The following RASA3 variants were observed in gnomAD, a reference collection of about 807,000 sequenced individuals.
RASA3 encodes the protein ras GTPase-activating protein 3.
In RASA3, 73 loss-of-function variants were observed where a neutral mutation model predicts 110.0. The observed-to-expected ratio is 0.66, with a 90% CI of 0.55 to 0.81. RASA3 has a LOEUF of 0.81. Ranked by LOEUF, RASA3 falls within the 30% of genes least tolerant of loss-of-function variation. RASA3 has a pLI of 0.00. For missense variants in RASA3, 976 were observed against 1,113.2 expected (o/e 0.88, Z 1.75); for synonymous variants, 500 against 451.4 (o/e 1.11, Z -1.37).
At position 113,996,574 on chromosome 13, in the gene RASA3, T is replaced by C; in HGVS notation, c.2098A>G (p.Arg700Gly). 1.2e-6 allele frequency: 2 copies of C among 1,613,310 alleles called. No individual in the cohort carries two copies. Among genetic ancestry groups the C allele is most frequent in the African/African-American group, 1.3e-5 (1 of 75,044 alleles). ...CCCGGAGCCGAGTCGGATGGCGCCCTACAGCACAGCCAGTGGCCGCTCAGG... is the reference window on the plus strand; with the variant it reads ...CCCGGAGCCGAGTCGGATGGCGCCCCACAGCACAGCCAGTGGCCGCTCAGG... ...AYLSGHWLCC[R>G]APSDSAPGCS... Residue 700 changes from arginine to glycine, a missense_variant, in exon 21 of 24, where the codon AGG becomes GGG. Physicochemically the swap from Arg to Gly is moderately radical, Grantham distance 125 (BLOSUM62 -2). Around this residue, in one of 4 missense-constraint regions of RASA3, gnomAD observed 109 missense variants for 162.5 expected, o/e 0.67. Transcript: ENST00000334062.
chr13:114,010,336 G>C (rs767324308), intron 16 of RASA3, among the ~76,000 whole-genome samples: 102 of 152,102 alleles, frequency 6.7e-4, no homozygotes, highest in Non-Finnish European at 1.1e-3. Context: ...GGAGCCCCGA[G>C]GGGGCCCGAA....
chr13:114,039,080 G>A (rs1346741824), intron 4 of RASA3, among the ~76,000 whole-genome samples: 1 of 152,234 alleles, frequency 6.6e-6, no homozygotes, highest in Non-Finnish European at 1.5e-5. Flanking sequence ...TGCAAAGGAC[G>A]TTGGCAACAA....
At chr13:114,062,205 T>C (rs757527691) in intron 2 of RASA3, among the ~76,000 whole-genome samples, 1 of 151,832 alleles carries the variant, frequency 6.6e-6, no homozygotes, top group Non-Finnish European at 1.5e-5. Context: ...TTTTACTTAC[T>C]TATGATTTTA....
At chr13:113,998,962 G>A (rs2053319170) in intron 20 of RASA3, among the ~76,000 whole-genome samples, 1 of 152,234 alleles carries the variant, frequency 6.6e-6, no homozygotes, top group Admixed American at 6.5e-5. Context: ...TTTGGGGACT[G>A]CACGGTGGGA....
At chr13:113,979,712 G>A (rs563141503) in intron 23 of RASA3, among the ~76,000 whole-genome samples, 46 of 152,262 alleles carry the variant, frequency 3.0e-4, no homozygotes, top group Admixed American at 2.5e-3. Flanking sequence ...TGTATGGCAC[G>A]TGTGCAGAAT....
At chr13:114,066,486 G>T (rs1180184617) in intron 2 of RASA3, among the ~76,000 whole-genome samples, 1 of 152,270 alleles carries the variant, frequency 6.6e-6, no homozygotes, top group East Asian at 1.9e-4. Context: ...TCCTCGGTGC[G>T]GCCCCCTCGT....
intron 1 of RASA3, among the ~76,000 whole-genome samples, chr13:114,079,296 A>G (rs2079742230): frequency 6.6e-6 from 1 of 152,192 alleles, no homozygotes; most frequent in African/African-American, 2.4e-5. Flanking sequence ...ATAACGTGGA[A>G]CAGGTGATGG....
chr13:114,079,797 T>C (rs2079752095), intron 1 of RASA3, among the ~76,000 whole-genome samples: 1 of 152,118 alleles, frequency 6.6e-6, no homozygotes, highest in South Asian at 2.1e-4. Flanking sequence ...GCTCCGTGAC[T>C]GGCCTCTGAG....
intron 8 of RASA3, among the ~76,000 whole-genome samples, chr13:114,023,349 G>C (rs1026162716): frequency 1.8e-4 from 27 of 151,024 alleles, no homozygotes; most frequent in Non-Finnish European, 2.5e-4. Flanking sequence ...TCCCAGGCTC[G>C]GGGGCATCCT....
Position 114,048,091 on chromosome 13 carries a change from G to A in RASA3, c.277+3961C>T, listed in dbSNP as rs143399288. 7.2e-5 allele frequency among the ~76,000 whole-genome samples: 11 copies of A among 152,238 alleles called. No homozygotes were observed. The highest frequency in any genetic ancestry group is 2.1e-4 in the South Asian group (1 of 4,822). On this transcript the variant is annotated intron_variant, in intron 3 of 23. Transcript: ENST00000334062. The surrounding 1 kb of genome is among the most constrained non-coding windows in gnomAD (Gnocchi z 4.3). ...AGCACTTTGGGAGGCCGAGGTGGGC[G>A]GATCACGAGGTCAGGAGATAGAGAC...
chr13:114,054,388 G>A (rs1200073907), intron 2 of RASA3, among the ~76,000 whole-genome samples: 2 of 152,148 alleles, frequency 1.3e-5, no homozygotes, highest in Non-Finnish European at 1.5e-5. Flanking sequence ...CAGGAGATAC[G>A]GCACAGGCAT....
rs1050263987 is a variant in RASA3, at chr13:114,056,364, C to T, written c.174-4209G>A. 2 of 851,458 alleles carry T rather than the reference C, an allele frequency of 2.3e-6. No homozygotes were observed. The highest frequency in any genetic ancestry group is 2.8e-6 in the Non-Finnish European group (2 of 707,890). 52.7% of individuals were successfully genotyped at this position (851,458 alleles called of 1,614,324 possible). A position where few individuals can be genotyped will look rare whatever the true frequency, so the allele number is the denominator to read the frequency against. ...GCACACCCCACAAACGGGCGCCGCG[C>T]ACCTGGCATTTAACCCTGCACACTT... On this transcript the variant is annotated intron_variant, in intron 2 of 23. Coordinates refer to ENST00000334062, the MANE Select transcript of RASA3 (RefSeq NM_007368.4). This position sits in a 1 kb window ranked among gnomAD's most constrained non-coding sequence, Gnocchi z 5.7.
chr13:114,130,539 C>T (rs766100128), intron 1 of RASA3, among the ~76,000 whole-genome samples: 44 of 152,258 alleles, frequency 2.9e-4, no homozygotes, highest in Admixed American at 1.2e-3. Flanking sequence ...GCCTGACCCC[C>T]ACGCCTGTCG....
chr13:114,101,077 C>G (rs566568785), intron 1 of RASA3, among the ~76,000 whole-genome samples: 323 of 152,252 alleles, frequency 2.1e-3, no homozygotes, highest in South Asian at 8.9e-3. Context: ...GGGACAGGGG[C>G]TCCCCACACC....
Position 114,108,533 on chromosome 13 carries a change from G to A in RASA3, c.55+23902C>T, listed in dbSNP as rs115463341. ...CATCACCCCATGTCCATCACCCCACGTCCATCACCCCATGTCCATTATCCC... is the reference window on the plus strand; with the variant it reads ...CATCACCCCATGTCCATCACCCCACATCCATCACCCCATGTCCATTATCCC... On this transcript the variant is annotated intron_variant, in intron 1 of 23. Transcript: ENST00000334062. 907 of 116,716 alleles carry A rather than the reference G, an allele frequency of 7.8e-3. 10 individuals are homozygous for A. The highest frequency in any genetic ancestry group is 0.028 in the African/African-American group (829 of 29,106). 7.2% of individuals were successfully genotyped at this position (116,716 alleles called of 1,614,324 possible). A position where few individuals can be genotyped will look rare whatever the true frequency, so the allele number is the denominator to read the frequency against.
At chr13:114,018,062 C>G (rs373515077) in intron 11 of RASA3, 42 bp downstream of exon 11, 4 of 1,453,116 alleles carry the variant, frequency 2.8e-6, no homozygotes, top group South Asian at 1.4e-5. Flanking sequence ...ATCCCTGTAG[C>G]GGGTCCAGGC....
At chr13:114,121,422 C>T (rs965628221) in intron 1 of RASA3, among the ~76,000 whole-genome samples, 4 of 152,202 alleles carry the variant, frequency 2.6e-5, no homozygotes, top group South Asian at 2.1e-4. Flanking sequence ...TCTTCTGCCA[C>T]GGATCTCGGC....
At chr13:114,092,810 T>C (rs981870096) in intron 1 of RASA3, among the ~76,000 whole-genome samples, 3 of 152,210 alleles carry the variant, frequency 2.0e-5, no homozygotes, top group Non-Finnish European at 2.9e-5. Context: ...TCTTTAGATA[T>C]ATTAATATTT....
In RASA3 at chr13:114,114,843, A is replaced by G. The variant is rs567876847; in HGVS notation, c.55+17592T>C. Among the ~76,000 whole-genome samples, 4 of 152,318 alleles carry G rather than the reference A, an allele frequency of 2.6e-5. No homozygotes were observed. Among genetic ancestry groups the G allele is most frequent in the South Asian group, 2.1e-4 (1 of 4,826 alleles). On this transcript the variant is annotated intron_variant, in intron 1 of 23. Transcript: ENST00000334062. This position sits in a 1 kb window ranked among gnomAD's most constrained non-coding sequence, Gnocchi z 4.8. ...GGCAGAGTCGTGACCAACAGTGGAA[A>G]GACCCATAGCTCCCAGCTCCAGGGA...
Sources: gnomAD v4.1 joint callset for allele counts (sites outside exome capture counted in the v4.1 genomes callset) on GRCh38, gnomAD v4.1.1 for gene constraint, gnomAD v4.1.1 regional missense constraint, Gnocchi (gnomAD v3.1) non-coding constraint, MANE v1.5 for transcripts, NCBI Gene and HGNC (gene_info 2026-07-23, HGNC 2026-07-21) for gene names.